DYRK1A: variants seen among roughly 807,000 people sequenced by gnomAD.
DYRK1A encodes the protein dual specificity tyrosine phosphorylation regulated kinase 1A.
A neutral mutation model predicts 79.7 loss-of-function variants in DYRK1A; 9 were observed. That is an observed-to-expected ratio of 0.11 (90% confidence interval 0.07 to 0.20). The LOEUF (loss-of-function observed/expected upper bound fraction) is 0.20. Among genes scored for constraint, DYRK1A ranks in the 10% least tolerant of loss-of-function variants. DYRK1A has a pLI of 1.00. For synonymous variants in DYRK1A, 349 were observed against 329.7 expected (o/e 1.06, Z -0.63); for missense variants, 622 against 956.0 (o/e 0.65, Z 4.61).
chr21:37,496,131 A>G lies in DYRK1A; in HGVS notation c.1085A>G (p.Asn362Ser). The G allele has an allele frequency of 6.2e-7, 1 of 1,612,026 alleles. No individual in the cohort carries two copies. Among genetic ancestry groups the G allele is most frequent in the Non-Finnish European group, 8.5e-7 (1 of 1,179,446 alleles). The change falls in exon 9 of 12, where the codon AAT becomes AGT. Residue 362 changes from asparagine (N) to serine (S), a missense_variant. By Grantham distance (46) the Asn-to-Ser change is conservative. Transcript: ENST00000647188. Reference protein sequence around the residue: ...FSGANEVDQMNKIVEVLGIPP... With the variant: ...FSGANEVDQMSKIVEVLGIPP... ...TTTTTAATACAGGTAGATCAGATGA[A>G]TAAAATAGTGGAAGTTCTGGGTATT...
At chr21:37,370,176 A>T (rs1341343862) in intron 1 of DYRK1A, among the ~76,000 whole-genome samples, 1 of 152,218 alleles carries the variant, frequency 6.6e-6, no homozygotes, top group Non-Finnish European at 1.5e-5. Context: ...TGCAAAAGGA[A>T]AATTCAAGAT....
chr21:37,381,681 G>C (rs900852643), intron 1 of DYRK1A, among the ~76,000 whole-genome samples: 1 of 152,150 alleles, frequency 6.6e-6, no homozygotes, highest in East Asian at 1.9e-4. Flanking sequence ...CCAGCTACTC[G>C]GGAGCCTGAG....
rs192655058 is a variant in DYRK1A at position 37,462,219 on chromosome 21, G to T, written c.11-10465G>T. Among the ~76,000 whole-genome samples, 5 of 152,224 alleles carry T rather than the reference G, an allele frequency of 3.3e-5. No homozygotes were observed. The East Asian group carries it at 5.8e-4, about 18-fold the overall frequency. ...ATTTTCTTGCTTCTTGCTGTGCCTAGTGAATTGGGCTGGCTATGGGGATGA... is the reference window on the plus strand; with the variant it reads ...ATTTTCTTGCTTCTTGCTGTGCCTATTGAATTGGGCTGGCTATGGGGATGA... On this transcript the variant is annotated intron_variant, in intron 2 of 11. Transcript: ENST00000647188.
At chr21:37,432,907 C>T (rs1219341859) in intron 2 of DYRK1A, among the ~76,000 whole-genome samples, 29 of 149,172 alleles carry the variant, frequency 1.9e-4, no homozygotes, top group Admixed American at 1.5e-3. Flanking sequence ...ACCCAGGAGG[C>T]GGAAGTTGCA....
intron 1 of DYRK1A, among the ~76,000 whole-genome samples, chr21:37,406,011 T>C (rs1224940909): frequency 6.6e-6 from 1 of 152,186 alleles, no homozygotes; most frequent in African/African-American, 2.4e-5. Flanking sequence ...TGTATGGTCA[T>C]TCCTCTTTTT....
intron 9 of DYRK1A, among the ~76,000 whole-genome samples, chr21:37,496,835 C>G (rs977688299): frequency 6.6e-6 from 1 of 152,004 alleles, no homozygotes; most frequent in African/African-American, 2.4e-5. Context: ...GTTTTTAAAA[C>G]ATTTGGTTTG....
At chr21:37,401,354 T>C (rs967656147) in intron 1 of DYRK1A, among the ~76,000 whole-genome samples, 8 of 152,162 alleles carry the variant, frequency 5.3e-5, no homozygotes, top group African/African-American at 1.9e-4. Context: ...ACGTGTGTAT[T>C]AATTTTAATA....
At chr21:37,472,578 A>G (rs929589627) in intron 2 of DYRK1A, 106 bp from the exon 3 acceptor site, 15 of 973,082 alleles carry the variant, frequency 1.5e-5, no homozygotes, top group Admixed American at 2.9e-5. Context: ...AAGTTTTTTA[A>G]TATTGAATAT....
intron 2 of DYRK1A, among the ~76,000 whole-genome samples, chr21:37,454,110 T>TTTTTTTTTTTTTTTTTA (rs869222930): frequency 9.8e-6 from 1 of 101,674 alleles, no homozygotes; most frequent in Non-Finnish European, 2.2e-5. Context: ...TTTTTTTTTT[T>TTTTTTTTTTTTTTTTTA]GAGACAAGGT....
chr21:37,485,324 C>T (rs1206668904), intron 5 of DYRK1A, among the ~76,000 whole-genome samples: 1 of 152,154 alleles, frequency 6.6e-6, no homozygotes, highest in African/African-American at 2.4e-5. Context: ...CATATCAGAA[C>T]CCCTTGGCCA....
chr21:37,380,209 T>C (rs2049628555), intron 1 of DYRK1A, among the ~76,000 whole-genome samples: 1 of 152,242 alleles, frequency 6.6e-6, no homozygotes, highest in Non-Finnish European at 1.5e-5. Flanking sequence ...GAAAAATTTA[T>C]TCTGATTTGG....
intron 11 of DYRK1A, among the ~76,000 whole-genome samples, chr21:37,510,986 C>G (rs1055620660): frequency 6.6e-6 from 1 of 152,114 alleles, no homozygotes; most frequent in African/African-American, 2.4e-5. Context: ...TCAGGGAAGG[C>G]TCTGGAACTG....
intron 1 of DYRK1A, among the ~76,000 whole-genome samples, chr21:37,406,067 G>T (rs889535781): frequency 4.0e-5 from 6 of 151,662 alleles, no homozygotes; most frequent in Non-Finnish European, 5.9e-5. Context: ...AATTTCAGGG[G>T]ACGTCCCAGT....
chr21:37,472,723 T>G lies in DYRK1A; in HGVS notation c.50T>G (p.Leu17Arg), dbSNP rs768615289. ...GCATGCAAACCTTCATCTGTTCGGC[T>G]TGCACCGTCATTTTCATTCCATGCT... ...TSACKPSSVR[L>R]APSFSFHAAG... The change falls in exon 3 of 12, where the codon CTT (leucine) becomes CGT (arginine). Residue 17 changes from leucine (L) to arginine (R), a missense_variant. By Grantham distance (102) the Leu-to-Arg change is moderately radical (BLOSUM62 -2). This residue lies in a region of DYRK1A where 91 missense variants were observed against 113.8 expected (regional missense o/e 0.80). Coordinates refer to ENST00000647188, the MANE Select transcript of DYRK1A (RefSeq NM_001347721.2). 6.2e-7 allele frequency: 1 copy of G among 1,610,300 alleles called. No homozygotes were observed. Among genetic ancestry groups the G allele is most frequent in the East Asian group, 2.2e-5 (1 of 44,814 alleles).
At chr21:37,375,711 G>A (rs994300394) in intron 1 of DYRK1A, among the ~76,000 whole-genome samples, 3 of 151,796 alleles carry the variant, frequency 2.0e-5, no homozygotes, top group African/African-American at 7.3e-5. Flanking sequence ...ATTTTTAGTA[G>A]AGACGGGATT....
chr21:37,498,051 G>A (rs1048579228), intron 9 of DYRK1A, among the ~76,000 whole-genome samples: 2 of 152,088 alleles, frequency 1.3e-5, no homozygotes, highest in African/African-American at 4.8e-5. Context: ...ACAAATAGAT[G>A]TGCATATACT....
At chr21:37,444,658 G>A (rs377049377) in intron 2 of DYRK1A, among the ~76,000 whole-genome samples, 15 of 152,136 alleles carry the variant, frequency 9.9e-5, no homozygotes, top group East Asian at 7.7e-4. Flanking sequence ...AAAACATGAT[G>A]CCAAGCCTGG....
intron 2 of DYRK1A, among the ~76,000 whole-genome samples, chr21:37,439,680 C>G (rs1382732407): frequency 6.6e-6 from 1 of 152,174 alleles, no homozygotes; most frequent in Non-Finnish European, 1.5e-5. Context: ...CCATATCTCC[C>G]CCCATGGAAA....
rs1371537258 is a variant in DYRK1A at position 37,506,971 on chromosome 21, C to T, written c.1644+748C>T. ...GTTTGTCAGCACTGTTAATACTCAC[C>T]AACCTCTGCTGGGCAGTCTTACATG... is the stretch of plus-strand genomic sequence containing the variant. On this transcript the variant is annotated intron_variant, in intron 11 of 11. Transcript: ENST00000647188. Among the ~76,000 whole-genome samples, 8 of 152,174 alleles carry T rather than the reference C, an allele frequency of 5.3e-5. No homozygotes were observed. The East Asian group carries it at 1.5e-3, about 29-fold the overall frequency.
Sources: gnomAD v4.1 joint callset for allele counts (sites outside exome capture counted in the v4.1 genomes callset) on GRCh38, gnomAD v4.1.1 for gene constraint, gnomAD v4.1.1 regional missense constraint, MANE v1.5 for transcripts, NCBI Gene and HGNC (gene_info 2026-07-23, HGNC 2026-07-21) for gene names.